The following TCF7L1 variants were observed in gnomAD, a reference collection of about 807,000 sequenced individuals.
TCF7L1 encodes the protein transcription factor 7-like 1.
Under a neutral mutation model 63.7 loss-of-function variants are expected in TCF7L1, and 18 were observed. The ratio of observed to expected loss-of-function variants is 0.28; its 90% CI spans 0.20 to 0.42. The LOEUF is 0.42. Among genes scored for constraint, TCF7L1 ranks in the 10% least tolerant of loss-of-function variants. TCF7L1 has a pLI of 1.00. For missense variants in TCF7L1, 654 were observed against 779.3 expected (o/e 0.84, Z 1.91); for synonymous variants, 355 against 340.9 (o/e 1.04, Z -0.46).
chr2:85,178,159 G>A lies in TCF7L1; in HGVS notation c.441+43709G>A, dbSNP rs115900786. Among the ~76,000 whole-genome samples the A allele has an allele frequency of 1.5e-3, 227 of 152,312 alleles. 1 individual carries two copies. Among genetic ancestry groups the A allele is most frequent in the African/African-American group, 5.2e-3 (216 of 41,560 alleles). ...CCAGAGACGTCTCCATGGACAGTGAGCTCTTTAGAGGGGAAAGGAGTAAGC... is the reference window on the plus strand; with the variant it reads ...CCAGAGACGTCTCCATGGACAGTGAACTCTTTAGAGGGGAAAGGAGTAAGC... On this transcript the variant is annotated intron_variant, in intron 3 of 11. Coordinates refer to ENST00000282111, the MANE Select transcript of TCF7L1 (RefSeq NM_031283.3).
intron 3 of TCF7L1, among the ~76,000 whole-genome samples, chr2:85,282,095 C>G (rs1164489139): frequency 6.6e-6 from 1 of 152,204 alleles, no homozygotes; most frequent in Non-Finnish European, 1.5e-5. Context: ...TCAAGCGATT[C>G]TCCTGCCTCA....
At chr2:85,230,120 T>C (rs1680043896) in intron 3 of TCF7L1, among the ~76,000 whole-genome samples, 1 of 152,238 alleles carries the variant, frequency 6.6e-6, no homozygotes, top group South Asian at 2.1e-4. Context: ...TGAGGTACAA[T>C]TTGGTGTCCA....
At chr2:85,203,350 T>G (rs982747167) in intron 3 of TCF7L1, among the ~76,000 whole-genome samples, 2 of 152,212 alleles carry the variant, frequency 1.3e-5, no homozygotes, top group African/African-American at 2.4e-5. Context: ...AATTCTTTGG[T>G]AGATAACCAA....
chr2:85,139,857 T>C (rs1175184277), intron 3 of TCF7L1, among the ~76,000 whole-genome samples: 1 of 152,118 alleles, frequency 6.6e-6, no homozygotes, highest in Admixed American at 6.5e-5. Flanking sequence ...ATGGAAGGAA[T>C]CTGATCTTAT....
chr2:85,168,345 T>G (rs1364378404), intron 3 of TCF7L1, among the ~76,000 whole-genome samples: 1 of 152,178 alleles, frequency 6.6e-6, no homozygotes, highest in Non-Finnish European at 1.5e-5. Flanking sequence ...TATGTGCAGT[T>G]TTTTGGTATA....
At chr2:85,203,447 T>C (rs111696395) in intron 3 of TCF7L1, among the ~76,000 whole-genome samples, 3,763 of 152,144 alleles carry the variant, frequency 0.025, 158 homozygotes, top group African/African-American at 0.085. Flanking sequence ...TATATTCCAA[T>C]CAGACATGGT....
At chr2:85,194,325 T>A (rs1207750477) in intron 3 of TCF7L1, among the ~76,000 whole-genome samples, 1 of 152,044 alleles carries the variant, frequency 6.6e-6, no homozygotes, top group East Asian at 1.9e-4. Context: ...GGCCAGGAGT[T>A]CGAGACCAGC....
chr2:85,135,404 GA>G (rs1677570112), intron 3 of TCF7L1, among the ~76,000 whole-genome samples: 1 of 152,156 alleles, frequency 6.6e-6, no homozygotes, highest in African/African-American at 2.4e-5. Flanking sequence ...GCTTGGGCGC[GA>G]TGTGAATCGT....
intron 3 of TCF7L1, among the ~76,000 whole-genome samples, chr2:85,172,365 C>T (rs1678565532): frequency 6.6e-6 from 1 of 152,148 alleles, no homozygotes; most frequent in African/African-American, 2.4e-5. Flanking sequence ...TTCCCAAACT[C>T]ACTTGGCACA....
chr2:85,174,418 G>C (rs1373174654), intron 3 of TCF7L1, among the ~76,000 whole-genome samples: 1 of 152,178 alleles, frequency 6.6e-6, no homozygotes, highest in Non-Finnish European at 1.5e-5. Flanking sequence ...CTACCACTGA[G>C]TCATTTGGAA....
intron 11 of TCF7L1, among the ~76,000 whole-genome samples, chr2:85,308,447 C>CCCTCCCTTTCTG (rs1682185714): frequency 6.4e-5 from 4 of 62,352 alleles, no homozygotes; most frequent in African/African-American, 1.7e-4. Context: ...CTCCCTTTCT[C>CCCTCCCTTTCTG]TTTCCCTCCC....
intron 3 of TCF7L1, among the ~76,000 whole-genome samples, chr2:85,264,369 C>A (rs931550574): frequency 3.3e-5 from 5 of 152,196 alleles, no homozygotes; most frequent in African/African-American, 1.2e-4. Flanking sequence ...ATGGGCCACA[C>A]CTACCCAGTC....
rs774050758 is a variant in TCF7L1, at chr2:85,294,026, A to ATTTTTTTTTTTTTTTT, written c.526-8445_526-8430dup. On this transcript the variant is annotated intron_variant, in intron 4 of 11. Coordinates refer to ENST00000282111, the MANE Select transcript of TCF7L1 (RefSeq NM_031283.3). ...ATTTAGGTGTGGCCTGAACACTGGG[A>ATTTTTTTTTTTTTTTT]TTTTTTTTTTTTTTTTTTTTTTTTT... is the stretch of plus-strand genomic sequence containing the variant. Among the ~76,000 whole-genome samples the ATTTTTTTTTTTTTTTT allele has an allele frequency of 5.9e-4, 35 of 59,482 alleles. 3 individuals are homozygous for ATTTTTTTTTTTTTTTT. Among genetic ancestry groups the ATTTTTTTTTTTTTTTT allele is most frequent in the African/African-American group, 7.6e-4 (12 of 15,710 alleles). 39.0% of individuals were successfully genotyped at this position (59,482 alleles called of 152,430 possible). A position where few individuals can be genotyped will look rare whatever the true frequency, so the allele number is the denominator to read the frequency against.
At chr2:85,308,394 A>ATTCTCCTTCCCTCCCT (rs1682174642) in intron 11 of TCF7L1, among the ~76,000 whole-genome samples, 1 of 48,942 alleles carries the variant, frequency 2.0e-5, no homozygotes, top group Non-Finnish European at 3.7e-5. Context: ...CTTCCCTCCC[A>ATTCTCCTTCCCTCCCT]TTCTCCTTCC....
At chr2:85,307,173 T>C (rs76537657) in intron 10 of TCF7L1, among the ~76,000 whole-genome samples, 1 of 151,458 alleles carries the variant, frequency 6.6e-6, no homozygotes, top group South Asian at 2.1e-4. Context: ...CAGCCACTCC[T>C]AACCCAGGGC....
chr2:85,241,475 T>G (rs1680330516), intron 3 of TCF7L1, among the ~76,000 whole-genome samples: 1 of 136,510 alleles, frequency 7.3e-6, no homozygotes, highest in African/African-American at 2.7e-5. Flanking sequence ...TGAGATGGAG[T>G]TTCACTCTTG....
intron 3 of TCF7L1, among the ~76,000 whole-genome samples, chr2:85,243,498 G>A (rs186154171): frequency 2.7e-5 from 4 of 148,340 alleles, no homozygotes; most frequent in South Asian, 2.1e-4. Context: ...GCGACTCCAC[G>A]TGGGGAAGTT....
chr2:85,202,362 A>C (rs983342035), intron 3 of TCF7L1, among the ~76,000 whole-genome samples: 1 of 152,246 alleles, frequency 6.6e-6, no homozygotes, highest in Non-Finnish European at 1.5e-5. Flanking sequence ...TATTAAATAC[A>C]TTATTTGCAA....
intron 3 of TCF7L1, among the ~76,000 whole-genome samples, chr2:85,244,178 G>A (rs916470945): frequency 1.3e-5 from 2 of 152,184 alleles, no homozygotes; most frequent in African/African-American, 2.4e-5. Context: ...GGGCAAGGCT[G>A]GGGGGCAGCA....
Sources: allele counts gnomAD v4.1 joint callset (sites outside exome capture counted in the v4.1 genomes callset), GRCh38; gene constraint gnomAD v4.1.1; transcripts MANE v1.5; gene names NCBI Gene and HGNC (gene_info 2026-07-23, HGNC 2026-07-21).